Variants in TTC6 observed in about 807,000 individuals in gnomAD.
TTC6 encodes the protein tetratricopeptide repeat protein 6.
TTC6 carries 172 observed loss-of-function variants against 210.4 expected under a neutral mutation model. The observed-to-expected ratio is 0.82, with a 90% CI of 0.72 to 0.93. TTC6 has a LOEUF of 0.93. Among genes scored for constraint, TTC6 ranks in the 40% least tolerant of loss-of-function variants. TTC6 has a pLI of 0.00. For missense variants in TTC6, 2,414 were observed against 2,318.1 expected (o/e 1.04, Z -0.85); for synonymous variants, 804 against 819.6 (o/e 0.98, Z 0.32).
At chr14:37,776,503 G>A (rs72676122) in intron 14 of TTC6, among the ~76,000 whole-genome samples, 1,916 of 152,168 alleles carry the variant, frequency 0.013, 23 homozygotes, top group Non-Finnish European at 0.022. Context: ...TTTCTTGTAA[G>A]GCAGGTCTGG....
chr14:37,751,301 T>G, intron 13 of TTC6, 76 bp downstream of exon 15: 2 of 1,072,834 alleles, frequency 1.9e-6, no homozygotes, highest in Non-Finnish European at 2.5e-6. Flanking sequence ...GTACAGCAAG[T>G]TTTTGAAGGT....
At chr14:37,613,342 G>T (rs1595009784) in intron 2 of TTC6, among the ~76,000 whole-genome samples, 1 of 151,864 alleles carries the variant, frequency 6.6e-6, no homozygotes, top group East Asian at 1.9e-4. Context: ...AACTCTATTT[G>T]GTCAAAATGT....
chr14:37,692,243 AAAAG>A (rs2095805291), intron 3 of TTC6, among the ~76,000 whole-genome samples: 1 of 149,524 alleles, frequency 6.7e-6, no homozygotes, highest in South Asian at 2.1e-4. Flanking sequence ...GAAAAAAAGA[AAAAG>A]AAAACTACAG....
At chr14:37,624,148 AAG>A (rs1222784303) in intron 1 of TTC6, among the ~76,000 whole-genome samples, 1 of 152,224 alleles carries the variant, frequency 6.6e-6, no homozygotes, top group Non-Finnish European at 1.5e-5. Flanking sequence ...AGGTATGAAC[AAG>A]AGTCTCTGGT....
chr14:37,632,713 C>T (rs1042795900), intron 1 of TTC6, among the ~76,000 whole-genome samples: 7 of 152,164 alleles, frequency 4.6e-5, no homozygotes, highest in African/African-American at 9.7e-5. Flanking sequence ...TCAAGCTGCA[C>T]CCCCAGCCGC....
At chr14:37,762,508 A>G (rs988461136) in intron 14 of TTC6, among the ~76,000 whole-genome samples, 1 of 152,154 alleles carries the variant, frequency 6.6e-6, no homozygotes, top group Non-Finnish European at 1.5e-5. Flanking sequence ...TTTTGGTAAT[A>G]GTGTGAAGTG....
intron 14 of TTC6, among the ~76,000 whole-genome samples, chr14:37,782,752 T>C (rs1200958389): frequency 1.3e-5 from 2 of 152,224 alleles, no homozygotes; most frequent in African/African-American, 4.8e-5. Flanking sequence ...CAGTATGATA[T>C]TGGCTGTGGG....
At chr14:37,838,429 C>A (rs1323945625) in intron 29 of TTC6, among the ~76,000 whole-genome samples, 1 of 152,144 alleles carries the variant, frequency 6.6e-6, no homozygotes, top group Non-Finnish European at 1.5e-5. Flanking sequence ...GACCAGTACT[C>A]CAATACTGTT....
At chr14:37,784,264 T>A (rs576323559) in intron 14 of TTC6, among the ~76,000 whole-genome samples, 3 of 152,264 alleles carry the variant, frequency 2.0e-5, no homozygotes, top group Admixed American at 1.3e-4. Flanking sequence ...CTAAGTCTCT[T>A]TGTAGGTCTC....
intron 5 of TTC6, among the ~76,000 whole-genome samples, chr14:37,702,084 C>T (rs1294844026): frequency 6.6e-6 from 1 of 152,070 alleles, no homozygotes; most frequent in East Asian, 1.9e-4. Flanking sequence ...GGGAAGGAAC[C>T]TAATGTTTAT....
At chr14:37,726,788 A>G (rs1210756500) in intron 7 of TTC6, among the ~76,000 whole-genome samples, 1 of 151,848 alleles carries the variant, frequency 6.6e-6, no homozygotes, top group Non-Finnish European at 1.5e-5. Flanking sequence ...CATATTTACT[A>G]TTTTTCTTGT....
intron 1 of TTC6, among the ~76,000 whole-genome samples, chr14:37,677,822 C>G (rs1318044086): frequency 6.6e-6 from 1 of 151,888 alleles, no homozygotes; most frequent in Non-Finnish European, 1.5e-5. Flanking sequence ...TCTGTTAATG[C>G]CACTCAGTGA....
At chr14:37,601,782 G>A (rs1245510886) in intron 1 of TTC6, among the ~76,000 whole-genome samples, 1 of 152,172 alleles carries the variant, frequency 6.6e-6, no homozygotes, top group Admixed American at 6.5e-5. Context: ...GGCAGAATCA[G>A]CAGCTCGCTT....
intron 2 of TTC6, among the ~76,000 whole-genome samples, chr14:37,611,799 A>T (rs2095635074): frequency 6.6e-6 from 1 of 152,120 alleles, no homozygotes; most frequent in African/African-American, 2.4e-5. Context: ...CTCAACCACC[A>T]GTAGGTGGTT....
intron 7 of TTC6, among the ~76,000 whole-genome samples, chr14:37,729,584 A>C (rs1026603556): frequency 2.6e-5 from 4 of 152,146 alleles, no homozygotes; most frequent in Non-Finnish European, 4.4e-5. Context: ...GGGACTTTTC[A>C]TCAGCCTGGT....
chr14:37,711,723 A>C (rs926321064), intron 5 of TTC6, among the ~76,000 whole-genome samples: 1 of 152,028 alleles, frequency 6.6e-6, no homozygotes, highest in African/African-American at 2.4e-5. Context: ...ATGTTTGCAG[A>C]GGGGGTGACT....
intron 14 of TTC6, among the ~76,000 whole-genome samples, chr14:37,756,699 A>G (rs1049295874): frequency 1.3e-5 from 2 of 151,800 alleles, no homozygotes; most frequent in Non-Finnish European, 2.9e-5. Flanking sequence ...GATAAAGCCG[A>G]CTCAGTCATG....
At chr14:37,691,271 G>A (rs915716566) in intron 3 of TTC6, among the ~76,000 whole-genome samples, 1 of 152,018 alleles carries the variant, frequency 6.6e-6, no homozygotes, top group Non-Finnish European at 1.5e-5. Context: ...TGGAGGTTGC[G>A]GTGAGCCGAG....
At chr14:37,625,219 A>G (rs1014995478) in intron 1 of TTC6, among the ~76,000 whole-genome samples, 1 of 152,112 alleles carries the variant, frequency 6.6e-6, no homozygotes, top group African/African-American at 2.4e-5. Flanking sequence ...ATTTGTTGAA[A>G]TGGCACTGGG....
Sources: allele counts gnomAD v4.1 joint callset (sites outside exome capture counted in the v4.1 genomes callset), GRCh38; gene constraint gnomAD v4.1.1; transcripts MANE v1.5; gene names NCBI Gene and HGNC (gene_info 2026-07-23, HGNC 2026-07-21).